The following CNBD1 variants were observed in gnomAD, a reference collection of about 807,000 sequenced individuals.
CNBD1 encodes cyclic nucleotide-binding domain-containing protein 1.
In CNBD1, 71 loss-of-function variants were observed where a neutral mutation model predicts 54.4. The observed-to-expected ratio is 1.30, with a 90% CI of 1.08 to 1.59. The LOEUF (loss-of-function observed/expected upper bound fraction) is 1.59. CNBD1 is among the 40% of genes most tolerant of loss of function. CNBD1 has a pLI of 0.00. For synonymous variants in CNBD1, 182 were observed against 170.7 expected, an observed-to-expected ratio of 1.07 and a Z score of -0.51; for missense variants, 659 against 518.0, an observed-to-expected ratio of 1.27 and a Z score of -2.64.
intron 6 of CNBD1, among the ~76,000 whole-genome samples, chr8:87,242,503 G>T (rs577639259): frequency 6.6e-6 from 1 of 151,968 alleles, no homozygotes; most frequent in Admixed American, 6.6e-5. Flanking sequence ...ATTGATTCAG[G>T]GTCTTTAGAT....
In CNBD1 at chr8:86,887,530, A is replaced by T; in HGVS notation, c.89-12A>T. ...GGAAAATTACTCAAATTTTTAATTGATTTTTTTTCAGACTTGAAAAAGTCT... is the reference window on the plus strand; with the variant it reads ...GGAAAATTACTCAAATTTTTAATTGTTTTTTTTTCAGACTTGAAAAAGTCT... On this transcript the variant is annotated splice_polypyrimidine_tract_variant and intron_variant, in intron 1 of 10. Transcript: ENST00000518476. 1 of 1,524,718 alleles carries T rather than the reference A, an allele frequency of 6.6e-7. No individual in the cohort carries two copies. Among genetic ancestry groups the T allele is most frequent in the Non-Finnish European group, 8.9e-7 (1 of 1,125,960 alleles). 94.4% of individuals were successfully genotyped at this position (1,524,718 alleles called of 1,614,324 possible).
intron 2 of CNBD1, among the ~76,000 whole-genome samples, chr8:87,420,074 A>G (rs1192790836): frequency 6.6e-6 from 1 of 151,782 alleles, no homozygotes; most frequent in African/African-American, 2.4e-5. Flanking sequence ...AGATTCATTT[A>G]ACAATAACAA....
intron 4 of CNBD1, among the ~76,000 whole-genome samples, chr8:86,968,361 C>T (rs1205855267): frequency 6.6e-6 from 1 of 152,116 alleles, no homozygotes; most frequent in Admixed American, 6.5e-5. Context: ...CCCACCCTTG[C>T]TCAAGCATGA....
intron 4 of CNBD1, among the ~76,000 whole-genome samples, chr8:87,032,839 G>A (rs916176230): frequency 3.3e-5 from 5 of 152,126 alleles, no homozygotes; most frequent in African/African-American, 1.2e-4. Context: ...TTCTGGCACT[G>A]CTTCTTTTAC....
chr8:86,996,548 A>G (rs1808873975), intron 4 of CNBD1, among the ~76,000 whole-genome samples: 1 of 152,354 alleles, frequency 6.6e-6, no homozygotes, highest in Non-Finnish European at 1.5e-5. Flanking sequence ...TTATAGTAGC[A>G]GGCTGAATAT....
At chr8:87,400,029 C>A (rs1400563327) in intron 2 of CNBD1, among the ~76,000 whole-genome samples, 2 of 151,788 alleles carry the variant, frequency 1.3e-5, no homozygotes, top group Non-Finnish European at 2.9e-5. Flanking sequence ...TTGTCTAATT[C>A]ACAGATAATC....
chr8:87,237,212 C>A, intron 6 of CNBD1, 100 bp downstream of exon 6: 1 of 593,650 alleles, frequency 1.7e-6, no homozygotes, highest in South Asian at 3.2e-5. Context: ...CTTTAGAGTC[C>A]TGAAATATTT....
chr8:87,373,615 T>C (rs185603858), intron 10 of CNBD1, among the ~76,000 whole-genome samples: 129 of 151,914 alleles, frequency 8.5e-4, no homozygotes, highest in African/African-American at 2.9e-3. Flanking sequence ...ATAGTTTGTA[T>C]GCTCCAAAAG....
chr8:86,904,182 C>T (rs2131807415), intron 2 of CNBD1, among the ~76,000 whole-genome samples: 1 of 151,982 alleles, frequency 6.6e-6, no homozygotes, highest in African/African-American at 2.4e-5. Flanking sequence ...TTAAAAAAGC[C>T]TTCTCTTGAG....
chr8:87,423,883 T>A (rs1461142199), intron 2 of CNBD1, among the ~76,000 whole-genome samples: 1 of 152,232 alleles, frequency 6.6e-6, no homozygotes, highest in Admixed American at 6.5e-5. Flanking sequence ...CTGGTAGAAT[T>A]TGGCTGTGAA....
chr8:87,425,895 A>T (rs1203741229), intron 2 of CNBD1, among the ~76,000 whole-genome samples: 2 of 152,092 alleles, frequency 1.3e-5, no homozygotes, highest in Non-Finnish European at 2.9e-5. Context: ...AGCCTGGGCA[A>T]TGGCGGGCGC....
chr8:86,962,664 T>C (rs527894588), intron 4 of CNBD1, among the ~76,000 whole-genome samples: 1 of 152,096 alleles, frequency 6.6e-6, no homozygotes, highest in Admixed American at 6.6e-5. Context: ...CAGGTGCCTG[T>C]AGTCCCAGCT....
At chr8:86,940,421 C>A (rs1809633766) in intron 4 of CNBD1, among the ~76,000 whole-genome samples, 2 of 152,120 alleles carry the variant, frequency 1.3e-5, no homozygotes, top group Non-Finnish European at 2.9e-5. Flanking sequence ...CCTGCCTCGG[C>A]CTCCCTCGGC....
chr8:87,392,183 G>A lies in CNBD1; in HGVS notation c.214-36363G>A, dbSNP rs186235777. ...TGTTGTCAAAGATGTGAAAAAATTCGTGCTCTCATACATAGCTTGTGGAAA... is the reference window on the plus strand; with the variant it reads ...TGTTGTCAAAGATGTGAAAAAATTCATGCTCTCATACATAGCTTGTGGAAA... On this transcript the variant is annotated intron_variant, in intron 2 of 7. Coordinates refer to the CNBD1 transcript ENST00000521593. Among the ~76,000 whole-genome samples the A allele has an allele frequency of 1.1e-4, 17 of 151,996 alleles. No individual in the cohort carries two copies. In the East Asian group the frequency reaches 2.7e-3, roughly 24 times the overall value.
intron 4 of CNBD1, among the ~76,000 whole-genome samples, chr8:86,993,748 G>A (rs1287663150): frequency 6.6e-6 from 1 of 152,194 alleles, no homozygotes; most frequent in Non-Finnish European, 1.5e-5. Flanking sequence ...TGCAGCTTGG[G>A]CTGTGATCCA....
At chr8:87,419,887 A>G (rs1381733379) in intron 2 of CNBD1, among the ~76,000 whole-genome samples, 2 of 151,042 alleles carry the variant, frequency 1.3e-5, no homozygotes, top group East Asian at 1.9e-4. Flanking sequence ...TAAACTTTAT[A>G]TTGAAACCTG....
chr8:87,085,904 C>G (rs1298887913), intron 4 of CNBD1, among the ~76,000 whole-genome samples: 1 of 152,084 alleles, frequency 6.6e-6, no homozygotes, highest in African/African-American at 2.4e-5. Flanking sequence ...TTATTTGTCT[C>G]CTTACCTTAG....
chr8:87,340,509 T>C (rs1021689355), intron 8 of CNBD1, among the ~76,000 whole-genome samples: 3 of 152,154 alleles, frequency 2.0e-5, no homozygotes, highest in Non-Finnish European at 4.4e-5. Context: ...TTCTCTCTCT[T>C]CTCCTTTGGG....
intron 4 of CNBD1, among the ~76,000 whole-genome samples, chr8:87,091,796 A>AT (rs1204751335): frequency 1.1e-3 from 147 of 132,208 alleles, no homozygotes; most frequent in Non-Finnish European, 1.9e-3. Context: ...ATTTTACATA[A>AT]ATTTTTTTTT....
Sources: allele counts gnomAD v4.1 joint callset (sites outside exome capture counted in the v4.1 genomes callset), GRCh38; gene constraint gnomAD v4.1.1; transcripts MANE v1.5; gene names NCBI Gene and HGNC (gene_info 2026-07-23, HGNC 2026-07-21).